Variants in COG6 observed in about 807,000 individuals in gnomAD.
The protein encoded by COG6 is conserved oligomeric Golgi complex subunit 6.
In COG6, 74 loss-of-function variants were observed where a neutral mutation model predicts 88.8. That is an observed-to-expected ratio of 0.83 (90% CI 0.69 to 1.01). The LOEUF (loss-of-function observed/expected upper bound fraction) is 1.01, where lower values mean the gene tolerates loss of function less well. Among genes scored for constraint, COG6 ranks in the 50% least tolerant of loss-of-function variants. The pLI is 0.00. For missense variants in COG6, 800 were observed against 797.9 expected (o/e 1.00, Z -0.03); for synonymous variants, 286 against 278.7 (o/e 1.03, Z -0.26).
At chr13:39,703,081 A>G (rs777114288) in intron 13 of COG6, among the ~76,000 whole-genome samples, 8 of 152,132 alleles carry the variant, frequency 5.3e-5, no homozygotes, top group Admixed American at 3.9e-4. Flanking sequence ...AAATTACATC[A>G]TACAGACAGG....
At chr13:39,662,386 C>T (rs576436630) in intron 3 of COG6, among the ~76,000 whole-genome samples, 1 of 152,180 alleles carries the variant, frequency 6.6e-6, no homozygotes, top group East Asian at 1.9e-4. Context: ...CTCGGCCTTC[C>T]AAAGTGCTGG....
intron 17 of COG6, 107 bp downstream of exon 17, chr13:39,724,668 C>A (rs9532421): frequency 3.5e-6 from 3 of 853,094 alleles, no homozygotes; most frequent in Non-Finnish European, 6.0e-6. Flanking sequence ...TATCTCTTGA[C>A]ATGCTGTATT....
At chr13:39,715,824 G>T (rs191646946) in intron 13 of COG6, among the ~76,000 whole-genome samples, 137 of 152,044 alleles carry the variant, frequency 9.0e-4, no homozygotes, top group African/African-American at 2.8e-3. Context: ...TATTAATTTT[G>T]TAAAACTGAT....
chr13:39,768,677 A>G (rs187621115), intron 18 of COG6, among the ~76,000 whole-genome samples: 1 of 152,086 alleles, frequency 6.6e-6, no homozygotes, highest in African/African-American at 2.4e-5. Context: ...CTCAGTGGTA[A>G]CTTTTCATAA....
chr13:39,715,783 G>A (rs1272798086), intron 13 of COG6, among the ~76,000 whole-genome samples: 1 of 151,912 alleles, frequency 6.6e-6, no homozygotes, highest in Non-Finnish European at 1.5e-5. Context: ...CTTGGTAGTT[G>A]GTTGTTTCTT....
chr13:39,723,247 C>T, intron 15 of COG6, 86 bp from the exon 16 acceptor site: 2 of 793,826 alleles, frequency 2.5e-6, no homozygotes, highest in Non-Finnish European at 4.4e-6. Context: ...CCCTGTGCCT[C>T]ATCATCAGTG....
At chr13:39,728,915 G>A (rs1408380249) in intron 18 of COG6, among the ~76,000 whole-genome samples, 5 of 152,046 alleles carry the variant, frequency 3.3e-5, no homozygotes, top group South Asian at 4.2e-4. Context: ...CACCTGCCTC[G>A]GCCTCCCAAA....
intron 13 of COG6, among the ~76,000 whole-genome samples, chr13:39,713,493 T>A (rs1337889388): frequency 2.6e-5 from 4 of 152,122 alleles, no homozygotes; most frequent in African/African-American, 9.7e-5. Context: ...CCCAGGACTT[T>A]GGGAGGTCAA....
intron 14 of COG6, 48 bp from the exon 15 acceptor site, chr13:39,719,612 C>A: frequency 1.3e-6 from 2 of 1,531,398 alleles, no homozygotes; most frequent in Non-Finnish European, 1.8e-6. Context: ...ACCCAAGACC[C>A]TATCAGTGAT....
chr13:39,770,290 A>G (rs868570406), intron 18 of COG6, among the ~76,000 whole-genome samples: 4 of 152,316 alleles, frequency 2.6e-5, no homozygotes, highest in South Asian at 2.1e-4. Flanking sequence ...ACTCCCTCAC[A>G]TTGACGGAGG....
intron 11 of COG6, among the ~76,000 whole-genome samples, chr13:39,693,014 T>C (rs952378125): frequency 7.9e-5 from 12 of 151,996 alleles, no homozygotes; most frequent in Non-Finnish European, 4.4e-5. Context: ...ACTTTTCGTT[T>C]CTCTTGTCCT....
At chr13:39,744,605 A>AG (rs1241836176) in intron 18 of COG6, among the ~76,000 whole-genome samples, 2 of 152,244 alleles carry the variant, frequency 1.3e-5, no homozygotes, top group Non-Finnish European at 2.9e-5. Flanking sequence ...AAAATAAAAG[A>AG]GGACACAAAC....
chr13:39,765,363 A>T (rs1298550185), intron 18 of COG6, among the ~76,000 whole-genome samples: 79 of 152,328 alleles, frequency 5.2e-4, no homozygotes, highest in Non-Finnish European at 7.3e-5. Flanking sequence ...CATATTGTTC[A>T]CTTATCCTTC....
chr13:39,760,903 T>A (rs4943695), intron 18 of COG6, among the ~76,000 whole-genome samples: 62,906 of 151,722 alleles, frequency 0.41, 13,408 homozygotes, highest in Admixed American at 0.56. Flanking sequence ...GCCATTATTA[T>A]AACTTTATAG....
At chr13:39,741,275 T>C (rs772524788) in intron 18 of COG6, among the ~76,000 whole-genome samples, 1 of 152,106 alleles carries the variant, frequency 6.6e-6, no homozygotes, top group Non-Finnish European at 1.5e-5. Flanking sequence ...CTGACAGAAG[T>C]AGGCTTCAGA....
At chr13:39,775,606 A>G (rs981949382) in intron 18 of COG6, among the ~76,000 whole-genome samples, 3 of 152,148 alleles carry the variant, frequency 2.0e-5, no homozygotes, top group African/African-American at 4.8e-5. Context: ...CACCCCTCAC[A>G]TCCTGTGACC....
intron 3 of COG6, among the ~76,000 whole-genome samples, 175 bp downstream of exon 3, chr13:39,661,056 T>C (rs948756501): frequency 6.6e-6 from 1 of 152,216 alleles, no homozygotes; most frequent in African/African-American, 2.4e-5. Context: ...TAATGATTTA[T>C]TAATATTGTT....
intron 18 of COG6, among the ~76,000 whole-genome samples, chr13:39,729,036 G>A (rs573473041): frequency 1.1e-4 from 17 of 152,246 alleles, no homozygotes; most frequent in South Asian, 6.2e-4. Flanking sequence ...GTCTCAGTAC[G>A]TAATATTAGA....
At chr13:39,689,356 C>A (rs151236347) in intron 10 of COG6, among the ~76,000 whole-genome samples, 1 of 151,966 alleles carries the variant, frequency 6.6e-6, no homozygotes, top group Non-Finnish European at 1.5e-5. Flanking sequence ...ATCTTTATAC[C>A]CTCAGTGTAT....
Sources: gnomAD v4.1 joint callset for allele counts (sites outside exome capture counted in the v4.1 genomes callset) on GRCh38, gnomAD v4.1.1 for gene constraint, MANE v1.5 for transcripts, NCBI Gene and HGNC (gene_info 2026-07-23, HGNC 2026-07-21) for gene names.